METTL15: variants seen among roughly 807,000 people sequenced by gnomAD.
METTL15 encodes the protein 12S rRNA N(4)-cytidine methyltransferase METTL15.
A neutral mutation model predicts 38.3 loss-of-function variants in METTL15; 34 were observed. That is an observed-to-expected ratio of 0.89 (90% CI 0.68 to 1.18). The LOEUF (loss-of-function observed/expected upper bound fraction) is 1.18. Ranked by LOEUF, METTL15 falls within the 50% of genes most tolerant of loss-of-function variation. The probability of loss-of-function intolerance (pLI) is 0.00; values close to 1 mark genes in which losing one functional copy is unlikely to be tolerated. For missense variants in METTL15, 438 were observed against 498.4 expected, an observed-to-expected ratio of 0.88 and a Z score of 1.15; for synonymous variants, 162 against 170.9, an observed-to-expected ratio of 0.95 and a Z score of 0.41.
intron 5 of METTL15, among the ~76,000 whole-genome samples, chr11:28,371,936 A>G (rs1483624200): frequency 6.6e-6 from 1 of 152,062 alleles, no homozygotes; most frequent in Non-Finnish European, 1.5e-5. Context: ...ATTTTCATAT[A>G]AGGATAATTG....
At chr11:28,462,641 G>A (rs942426228) in intron 6 of METTL15, among the ~76,000 whole-genome samples, 2 of 151,918 alleles carry the variant, frequency 1.3e-5, no homozygotes, top group Non-Finnish European at 2.9e-5. Flanking sequence ...CAGCCTCATG[G>A]GATGAATTAT....
intron 6 of METTL15, among the ~76,000 whole-genome samples, chr11:28,470,180 T>C (rs1361064972): frequency 6.6e-6 from 1 of 152,142 alleles, no homozygotes; most frequent in Non-Finnish European, 1.5e-5. Flanking sequence ...CATAAAAAAT[T>C]CATCAATACA....
exon 6 of METTL15, chr11:28,424,338 C>T (rs142345505): frequency 6.6e-6 from 1 of 152,086 alleles, no homozygotes; most frequent in Non-Finnish European, 1.5e-5. Context: ...AAAGCATCAC[C>T]TTTTGCTTTG....
intron 3 of METTL15, among the ~76,000 whole-genome samples, chr11:28,205,325 C>A (rs1210149429): frequency 6.9e-6 from 1 of 145,130 alleles, no homozygotes; most frequent in Non-Finnish European, 1.5e-5. Context: ...TCTCCTTGTT[C>A]AATTCCCACC....
chr11:28,292,778 G>A (rs1296230446), intron 5 of METTL15, among the ~76,000 whole-genome samples: 1 of 152,162 alleles, frequency 6.6e-6, no homozygotes, highest in Non-Finnish European at 1.5e-5. Flanking sequence ...GTATCTCATT[G>A]TGGTTTTGAT....
intron 4 of METTL15, among the ~76,000 whole-genome samples, chr11:28,360,066 G>A (rs1850123244): frequency 6.6e-6 from 1 of 152,070 alleles, no homozygotes; most frequent in Non-Finnish European, 1.5e-5. Flanking sequence ...GAGCTGGAAG[G>A]GGCCTTAAGA....
At chr11:28,392,415 G>A (rs1473323942) in intron 5 of METTL15, among the ~76,000 whole-genome samples, 1 of 151,970 alleles carries the variant, frequency 6.6e-6, no homozygotes, top group Non-Finnish European at 1.5e-5. Context: ...AGAATAGAAA[G>A]CCCAGAAATA....
At chr11:28,284,236 A>T (rs1288832546) in intron 4 of METTL15, among the ~76,000 whole-genome samples, 1 of 152,264 alleles carries the variant, frequency 6.6e-6, no homozygotes, top group South Asian at 2.1e-4. Context: ...GTACATTATA[A>T]TGTTGAGCTT....
intron 5 of METTL15, among the ~76,000 whole-genome samples, chr11:28,369,000 C>T (rs191437638): frequency 7.9e-5 from 12 of 151,780 alleles, no homozygotes; most frequent in African/African-American, 2.9e-4. Flanking sequence ...TGGGGCCTGT[C>T]AGAGGGTGGG....
At chr11:28,441,623 C>A (rs1197600678) in intron 6 of METTL15, among the ~76,000 whole-genome samples, 1 of 152,186 alleles carries the variant, frequency 6.6e-6, no homozygotes, top group Non-Finnish European at 1.5e-5. Context: ...GACCTCACTT[C>A]AATTTCCTGA....
In METTL15 at chr11:28,113,582, G is replaced by A; in HGVS notation, c.248G>A (p.Cys83Tyr). Residue 83 changes from cysteine (C) to tyrosine (Y), a missense_variant, in exon 3 of 7, where the codon TGT (cysteine) becomes TAT (tyrosine). By Grantham distance (194) the Cys-to-Tyr change is radical. Transcript: ENST00000407364. ...GTAATGGTGGATGAAGTTGTTCATT[G>A]TTTGTCACCACAAAAAGGACAGGTG... ...IPVMVDEVVHCLSPQKGQIFL... is the reference protein window; with the variant it reads ...IPVMVDEVVHYLSPQKGQIFL... 6.2e-7 allele frequency: 1 copy of A among 1,610,128 alleles called. No homozygotes were observed. Among genetic ancestry groups the A allele is most frequent in the Non-Finnish European group, 8.5e-7 (1 of 1,178,134 alleles).
intron 5 of METTL15, among the ~76,000 whole-genome samples, chr11:28,387,481 A>C (rs1017263360): frequency 2.3e-4 from 35 of 152,008 alleles, no homozygotes; most frequent in African/African-American, 8.4e-4. Flanking sequence ...GCAAACTACC[A>C]AAACCGAATT....
At chr11:28,409,241 G>A (rs2133411196) in intron 5 of METTL15, among the ~76,000 whole-genome samples, 2 of 151,928 alleles carry the variant, frequency 1.3e-5, no homozygotes, top group South Asian at 4.2e-4. Flanking sequence ...AATTAGCCTG[G>A]CGGGGTGACA....
At chr11:28,395,603 A>G (rs1201029360) in intron 5 of METTL15, among the ~76,000 whole-genome samples, 1 of 152,150 alleles carries the variant, frequency 6.6e-6, no homozygotes, top group Non-Finnish European at 1.5e-5. Context: ...AAATAGAGGC[A>G]ATAGCCTACC....
At chr11:28,512,672 CGTAAGTGCCACGCACAGCCCCG>C (rs1429767350) in intron 6 of METTL15, among the ~76,000 whole-genome samples, 23 of 152,226 alleles carry the variant, frequency 1.5e-4, no homozygotes, top group African/African-American at 5.5e-4. Flanking sequence ...CCAGCTGGCC[CGTAAGTGCCACGCACAGCCCCG>C]GTTCCCTCTC....
At chr11:28,221,793 T>C (rs187330732) in intron 4 of METTL15, among the ~76,000 whole-genome samples, 163 of 152,344 alleles carry the variant, frequency 1.1e-3, no homozygotes, top group African/African-American at 2.1e-3. Context: ...CAGCTGCACA[T>C]CTGCTGGAGT....
intron 6 of METTL15, among the ~76,000 whole-genome samples, chr11:28,310,940 GGT>G: frequency 7.0e-6 from 1 of 143,848 alleles, no homozygotes; most frequent in South Asian, 2.3e-4. Flanking sequence ...TGGTGGTGGT[GGT>G]GGTGGTGGTG....
At position 28,380,976 on chromosome 11, in the gene METTL15, A is replaced by G. The variant is rs186958473; in HGVS notation, c.*358+18940A>G. On this transcript the variant is annotated intron_variant and NMD_transcript_variant, in intron 5 of 7. Transcript: ENST00000532947. ...TCACTTCTTTTCTCTTGTTACTCTTAGTGTCCCTTTTGTCTTTGATCTTTT... is the reference window on the plus strand; with the variant it reads ...TCACTTCTTTTCTCTTGTTACTCTTGGTGTCCCTTTTGTCTTTGATCTTTT... Among the ~76,000 whole-genome samples, 35 of 151,888 alleles carry G rather than the reference A, an allele frequency of 2.3e-4. No homozygotes were observed. The East Asian group carries it at 6.6e-3, about 29-fold the overall frequency.
At chr11:28,198,698 A>G (rs1379479119) in intron 3 of METTL15, among the ~76,000 whole-genome samples, 1 of 152,172 alleles carries the variant, frequency 6.6e-6, no homozygotes, top group Non-Finnish European at 1.5e-5. Context: ...TTCACAAGAC[A>G]ATAATAAATC....
Sources: gnomAD v4.1 joint callset for allele counts (sites outside exome capture counted in the v4.1 genomes callset) on GRCh38, gnomAD v4.1.1 for gene constraint, MANE v1.5 for transcripts, NCBI Gene and HGNC (gene_info 2026-07-23, HGNC 2026-07-21) for gene names.